Variants in PRKAR1B observed in about 807,000 individuals in gnomAD.
PRKAR1B encodes cAMP-dependent protein kinase type I-beta regulatory subunit.
In PRKAR1B, 22 loss-of-function variants were observed where a neutral mutation model predicts 46.5. The ratio of observed to expected loss-of-function variants is 0.47; its 90% CI spans 0.34 to 0.68. PRKAR1B has a LOEUF of 0.68. Ranked by LOEUF, PRKAR1B falls within the 30% of genes least tolerant of loss-of-function variation. PRKAR1B has a pLI of 0.01. For missense variants in PRKAR1B, 445 were observed against 535.6 expected, an observed-to-expected ratio of 0.83 and a Z score of 1.67; for synonymous variants, 259 against 217.7, an observed-to-expected ratio of 1.19 and a Z score of -1.67.
chr7:630,950 A>AT (rs71652939), intron 4 of PRKAR1B, among the ~76,000 whole-genome samples: 29,857 of 137,312 alleles, frequency 0.22, 3,229 homozygotes, highest in Non-Finnish European at 0.23. Flanking sequence ...GCTGATTCGG[A>AT]TTTTTTTTTT....
Position 711,310 on chromosome 7 carries a change from G to A in PRKAR1B, c.177+19C>T, listed in dbSNP as rs374644511. Reference sequence around the variant, plus strand: ...AGGACACGTGCGAAGGGAAGCAGCGGGCGGCGGGGGCCACTCACCTTCTCC... The same window carrying A: ...AGGACACGTGCGAAGGGAAGCAGCGAGCGGCGGGGGCCACTCACCTTCTCC... On this transcript the variant is annotated intron_variant, in intron 2 of 10. Coordinates refer to ENST00000537384, the MANE Select transcript of PRKAR1B (RefSeq NM_001164760.2). The A allele has an allele frequency of 4.9e-5, 79 of 1,613,444 alleles. No individual in the cohort carries two copies. Among genetic ancestry groups the A allele is most frequent in the Non-Finnish European group, 6.4e-5 (75 of 1,179,646 alleles).
chr7:691,640 T>C (rs1044902425), intron 2 of PRKAR1B: 1 of 1,301,406 alleles, frequency 7.7e-7, no homozygotes, highest in Non-Finnish European at 1.0e-6. Flanking sequence ...GCATGTGGCC[T>C]CCGCCCAGGT....
At chr7:659,060 A>T (rs1394592681) in intron 4 of PRKAR1B, among the ~76,000 whole-genome samples, 1 of 152,176 alleles carries the variant, frequency 6.6e-6, no homozygotes, top group East Asian at 1.9e-4. Context: ...CACAGCACAG[A>T]CACTCTGCGG....
chr7:607,307 C>A (rs1562558327), intron 5 of PRKAR1B, 84 bp downstream of exon 5: 2 of 1,369,506 alleles, frequency 1.5e-6, no homozygotes, highest in Admixed American at 1.8e-5. Flanking sequence ...GGCCATCGTG[C>A]CTGCCCTTAT....
Position 694,174 on chromosome 7 carries a change from A to C in PRKAR1B, c.178-13448T>G, listed in dbSNP as rs540928453. On this transcript the variant is annotated intron_variant, in intron 2 of 10. Transcript: ENST00000537384. Reference sequence around the variant, plus strand: ...GTGGTGTGCGCCTGTAGTCCCAGCTACTCGGGGGGCTGAGGCAGGAGAATC... The same window carrying C: ...GTGGTGTGCGCCTGTAGTCCCAGCTCCTCGGGGGGCTGAGGCAGGAGAATC... Among the ~76,000 whole-genome samples, 24 of 152,110 alleles carry C rather than the reference A, an allele frequency of 1.6e-4. No homozygotes were observed. The South Asian group carries it at 5.0e-3, about 32-fold the overall frequency.
Position 644,755 on chromosome 7 carries a change from A to G in PRKAR1B, c.440+32474T>C, listed in dbSNP as rs1784545468. ...CAGCTCTCCCTCCCAGAGGGCAGGC[A>G]CCAGGGCCAGACCCTTCCCCCAGAC... On this transcript the variant is annotated intron_variant, in intron 4 of 10. Transcript: ENST00000537384. The surrounding 1 kb of genome is among the most constrained non-coding windows in gnomAD (Gnocchi z 4.9). Among the ~76,000 whole-genome samples the G allele has an allele frequency of 6.6e-6, 1 of 152,136 alleles. No individual in the cohort carries two copies. Among genetic ancestry groups the G allele is most frequent in the Admixed American group, 6.5e-5 (1 of 15,270 alleles).
intron 9 of PRKAR1B, among the ~76,000 whole-genome samples, chr7:572,280 G>A (rs1314865545): frequency 1.3e-5 from 2 of 152,228 alleles, no homozygotes; most frequent in Non-Finnish European, 2.9e-5. Context: ...CCAGTCTGCT[G>A]AGAATATTTT....
At chr7:587,936 C>A (rs1450664999) in intron 7 of PRKAR1B, among the ~76,000 whole-genome samples, 1 of 152,208 alleles carries the variant, frequency 6.6e-6, no homozygotes, top group African/African-American at 2.4e-5. Flanking sequence ...GGAGGAATGG[C>A]GCGCAAGTCC....
intron 2 of PRKAR1B, among the ~76,000 whole-genome samples, chr7:710,792 C>T (rs774730083): frequency 9.2e-5 from 14 of 151,906 alleles, no homozygotes; most frequent in Non-Finnish European, 1.9e-4. Context: ...TTACAGGCGC[C>T]GCCACCACAC....
chr7:697,305 T>C (rs1025349062), intron 2 of PRKAR1B, among the ~76,000 whole-genome samples: 1 of 151,974 alleles, frequency 6.6e-6, no homozygotes, highest in Non-Finnish European at 1.5e-5. Context: ...AAGTTTATCC[T>C]CCCGAGAGAA....
At position 593,971 on chromosome 7, in the gene PRKAR1B, GGCCAGC is replaced by G. The variant is rs1199041737; in HGVS notation, c.708+2169_708+2174del. Among the ~76,000 whole-genome samples the G allele has an allele frequency of 1.3e-5, 2 of 152,172 alleles. No homozygotes were observed. Among genetic ancestry groups the G allele is most frequent in the East Asian group, 1.9e-4 (1 of 5,168 alleles). ...CCGGCATCGCCGTGGGGCCGGGACA[GGCCAGC>G]GCCAGCAGGACACCGTCTCTCAGCT... On this transcript the variant is annotated intron_variant, in intron 7 of 10. Transcript: ENST00000537384. This position sits in a 1 kb window ranked among gnomAD's most constrained non-coding sequence, Gnocchi z 6.1.
chr7:637,989 T>A (rs1784211854), intron 4 of PRKAR1B, among the ~76,000 whole-genome samples: 1 of 151,836 alleles, frequency 6.6e-6, no homozygotes, highest in Non-Finnish European at 1.5e-5. Flanking sequence ...CATAGAGGAG[T>A]GTGTCCTCTT....
At chr7:700,645 C>T (rs932959586) in intron 2 of PRKAR1B, among the ~76,000 whole-genome samples, 6 of 149,882 alleles carry the variant, frequency 4.0e-5, no homozygotes, top group Non-Finnish European at 8.9e-5. Flanking sequence ...GTGGGGGAAT[C>T]AGCAAAGAAA....
chr7:618,064 C>T (rs974961795), intron 4 of PRKAR1B, among the ~76,000 whole-genome samples: 3 of 151,868 alleles, frequency 2.0e-5, no homozygotes, highest in Admixed American at 6.6e-5. Flanking sequence ...AGGACCAGTG[C>T]AGGCTCCTCC....
At chr7:695,118 C>G (rs905546179) in intron 2 of PRKAR1B, among the ~76,000 whole-genome samples, 1 of 152,124 alleles carries the variant, frequency 6.6e-6, no homozygotes, top group African/African-American at 2.4e-5. Context: ...GTCGGAGCCC[C>G]ACATCCTCAC....
chr7:651,116 A>G (rs752732400), intron 4 of PRKAR1B, among the ~76,000 whole-genome samples: 1 of 152,224 alleles, frequency 6.6e-6, no homozygotes, highest in Non-Finnish European at 1.5e-5. Flanking sequence ...GGGCTGCTCA[A>G]GAGCAGGTGC....
In PRKAR1B at chr7:550,567, C is replaced by A; in HGVS notation, c.1009G>T (p.Ala337Ser). Reference sequence around the variant, plus strand: ...AGGGGCCCCCGGGCCACGACAGTGGCCGCCCGGGGCCGGTTCAGCAGCAGT... The same window carrying A: ...AGGGGCCCCCGGGCCACGACAGTGGACGCCCGGGGCCGGTTCAGCAGCAGT... ...IALLLNRPRA[A>S]TVVARGPLKC... The change falls in exon 11 of 11, where the codon GCC (alanine) becomes TCC (serine). Residue 337 changes from alanine to serine, a missense_variant. Ala to Ser is a moderately conservative substitution (Grantham distance 99). Around this residue, in one of 5 missense-constraint regions of PRKAR1B, gnomAD observed 127 missense variants for 138.0 expected, o/e 0.92. Coordinates refer to ENST00000537384, the MANE Select transcript of PRKAR1B (RefSeq NM_001164760.2). The A allele has an allele frequency of 6.3e-7, 1 of 1,593,608 alleles. No individual in the cohort carries two copies. Among genetic ancestry groups the A allele is most frequent in the Admixed American group, 1.8e-5 (1 of 56,204 alleles).
chr7:668,714 T>C (rs1426037508), intron 4 of PRKAR1B, among the ~76,000 whole-genome samples: 1 of 152,146 alleles, frequency 6.6e-6, no homozygotes, highest in South Asian at 2.1e-4. Flanking sequence ...CATAAACAGC[T>C]GGGATGGCCC....
At chr7:614,472 C>G (rs545520052) in intron 4 of PRKAR1B, among the ~76,000 whole-genome samples, 1 of 152,286 alleles carries the variant, frequency 6.6e-6, no homozygotes, top group African/African-American at 2.4e-5. Flanking sequence ...TGACATGGGC[C>G]AGATGTGGTG....
Sources: allele counts gnomAD v4.1 joint callset (sites outside exome capture counted in the v4.1 genomes callset), GRCh38; gene constraint gnomAD v4.1.1; regional missense constraint gnomAD v4.1.1; non-coding constraint Gnocchi (gnomAD v3.1); transcripts MANE v1.5; gene names NCBI Gene and HGNC (gene_info 2026-07-23, HGNC 2026-07-21).